Variants in RYR2 observed in about 807,000 individuals in gnomAD.
RYR2 encodes the protein ryanodine receptor 2, also known as cardiac muscle ryanodine receptor-calcium release channel.
A neutral mutation model predicts 601.1 loss-of-function variants in RYR2; 227 were observed. The ratio of observed to expected loss-of-function variants is 0.38; its 90% confidence interval spans 0.34 to 0.42. The LOEUF is 0.42. Among genes scored for constraint, RYR2 ranks in the 10% least tolerant of loss-of-function variants. The probability of loss-of-function intolerance (pLI) is 1.00; values close to 1 mark genes in which losing one functional copy is unlikely to be tolerated. For synonymous variants in RYR2, 2,223 were observed against 2,175.1 expected (o/e 1.02, Z -0.61); for missense variants, 4,646 against 6,156.5 (o/e 0.75, Z 8.21).
chr1:237,701,878 A>G, intron 65 of RYR2, 100 bp from the exon 66 acceptor site: 1 of 610,858 alleles, frequency 1.6e-6, no homozygotes. Flanking sequence ...ATGGATGAAT[A>G]GTATATAGCC....
chr1:237,441,261 G>A, intron 12 of RYR2, 58 bp from the exon 13 acceptor site: 1 of 1,593,806 alleles, frequency 6.3e-7, no homozygotes. Flanking sequence ...AAATTCTATT[G>A]CCATACACTA....
intron 85 of RYR2, 109 bp from the exon 86 acceptor site, chr1:237,771,903 A>T (rs952509975): frequency 5.9e-6 from 4 of 675,870 alleles, no homozygotes; most frequent in Non-Finnish European, 1.1e-5. Flanking sequence ...AAAACACTGC[A>T]CTAACCCACA....
At position 237,590,831 on chromosome 1, in the gene RYR2, C is replaced by G; in HGVS notation, c.3999C>G (p.Asp1333Glu). 6.2e-7 allele frequency: 1 copy of G among 1,613,794 alleles called. No homozygotes were observed. The highest frequency in any genetic ancestry group is 8.5e-7 in the Non-Finnish European group (1 of 1,179,864). ...CTGGCCTTTTTGGGCCCAAGAATGACTTGGAAGATTATGATGCTGATTCTG... is the reference window on the plus strand; with the variant it reads ...CTGGCCTTTTTGGGCCCAAGAATGAGTTGGAAGATTATGATGCTGATTCTG... ...PGAGLFGPKN[D>E]LEDYDADSDF... is the part of the protein sequence containing the mutation. The change falls in exon 31 of 105, where the codon GAC (aspartate) becomes GAG (glutamate). Residue 1333 changes from aspartate to glutamate, a missense_variant. Physicochemically the swap from Asp to Glu is conservative, Grantham distance 45. Coordinates refer to ENST00000366574, the MANE Select transcript of RYR2 (RefSeq NM_001035.3).
intron 1 of RYR2, among the ~76,000 whole-genome samples, chr1:237,194,750 T>C (rs1011227210): frequency 6.6e-5 from 10 of 152,218 alleles, no homozygotes; most frequent in African/African-American, 2.4e-4. Flanking sequence ...TCCTTGAGGC[T>C]GCCAAGAAAA....
intron 84 of RYR2, among the ~76,000 whole-genome samples, chr1:237,766,178 T>G (rs1425738403): frequency 6.6e-6 from 1 of 152,148 alleles, no homozygotes; most frequent in Non-Finnish European, 1.5e-5. Flanking sequence ...AAGGACCTTC[T>G]CTGCCCTGCC....
At chr1:237,101,534 C>T (rs1351518767) in intron 1 of RYR2, among the ~76,000 whole-genome samples, 1 of 152,164 alleles carries the variant, frequency 6.6e-6, no homozygotes, top group African/African-American at 2.4e-5. Flanking sequence ...CAAACACACA[C>T]ACACTCTCGA....
intron 29 of RYR2, among the ~76,000 whole-genome samples, chr1:237,580,130 A>G (rs1673731355): frequency 6.7e-6 from 1 of 148,782 alleles, no homozygotes; most frequent in South Asian, 2.1e-4. Flanking sequence ...TGGCTCCTCC[A>G]GAGCCACGTG....
intron 100 of RYR2, 144 bp downstream of exon 100, chr1:237,809,179 C>A: frequency 1.3e-6 from 1 of 765,352 alleles, no homozygotes; most frequent in Non-Finnish European, 2.1e-6. Flanking sequence ...AAAGATTCAG[C>A]AGTTTTCAAT....
At chr1:237,822,361 T>A (rs754822085) in intron 101 of RYR2, among the ~76,000 whole-genome samples, 13 of 151,804 alleles carry the variant, frequency 8.6e-5, no homozygotes, top group Non-Finnish European at 1.9e-4. Flanking sequence ...CAGAAGAGAG[T>A]GGGGGCAAAT....
At chr1:237,662,163 A>C (rs1436774832) in intron 56 of RYR2, among the ~76,000 whole-genome samples, 1 of 152,108 alleles carries the variant, frequency 6.6e-6, no homozygotes, top group Admixed American at 6.5e-5. Flanking sequence ...ATTTTAAATA[A>C]ATTGAGTTCT....
chr1:237,295,055 C>T (rs1053191686), intron 2 of RYR2, among the ~76,000 whole-genome samples: 1 of 151,882 alleles, frequency 6.6e-6, no homozygotes, highest in African/African-American at 2.4e-5. Flanking sequence ...CTCTCCAAAA[C>T]GTAGAGAAAA....
At chr1:237,730,184 G>A (rs1275696814) in intron 76 of RYR2, 76 bp from the exon 77 acceptor site, 1 of 794,312 alleles carries the variant, frequency 1.3e-6, no homozygotes, top group African/African-American at 1.7e-5. Context: ...AGATAATCTA[G>A]TAATAAAGCA....
chr1:237,793,971 G>T lies in RYR2; in HGVS notation c.13887G>T (p.Gln4629His). The T allele has an allele frequency of 6.2e-7, 1 of 1,611,830 alleles. No homozygotes were observed. Among genetic ancestry groups the T allele is most frequent in the Non-Finnish European group, 8.5e-7 (1 of 1,178,080 alleles). ...EQPSEDDIKG[Q>H]WDRLVINTQS... Reference sequence around the variant, plus strand: ...CTTCAGAAGATGATATTAAAGGCCAGTGGGATAGACTCGTAATCAACACAC... The same window carrying T: ...CTTCAGAAGATGATATTAAAGGCCATTGGGATAGACTCGTAATCAACACAC... The change falls in exon 95 of 105, where the codon CAG becomes CAT. Residue 4629 changes from glutamine (Q) to histidine (H), a missense_variant. Around this residue, in one of 17 missense-constraint regions of RYR2, gnomAD observed 37 missense variants for 102.8 expected, o/e 0.36. Coordinates refer to ENST00000366574, the MANE Select transcript of RYR2 (RefSeq NM_001035.3).
chr1:237,478,418 TATTAA>T (rs1558887145), intron 17 of RYR2, among the ~76,000 whole-genome samples: 2 of 152,236 alleles, frequency 1.3e-5, no homozygotes, highest in Non-Finnish European at 2.9e-5. Flanking sequence ...CAAATGTGCT[TATTAA>T]ATTAAATGTA....
At chr1:237,495,422 G>A (rs1030719791) in intron 19 of RYR2, among the ~76,000 whole-genome samples, 3 of 152,156 alleles carry the variant, frequency 2.0e-5, no homozygotes, top group Non-Finnish European at 4.4e-5. Context: ...CTTTTGAGGA[G>A]CTCCTTTTTA....
At chr1:237,371,259 G>A (rs761802643) in intron 6 of RYR2, among the ~76,000 whole-genome samples, 17 of 152,190 alleles carry the variant, frequency 1.1e-4, no homozygotes, top group Non-Finnish European at 2.5e-4. Context: ...GGACTCAAGT[G>A]ATTCTCTTGC....
At chr1:237,355,876 A>G in intron 3 of RYR2, 89 bp from the exon 4 acceptor site, 2 of 1,196,654 alleles carry the variant, frequency 1.7e-6, no homozygotes, top group Non-Finnish European at 2.4e-6. Flanking sequence ...CAAGGACCAA[A>G]TTGATATCAA....
chr1:237,532,153 C>A (rs1668197177), intron 25 of RYR2, among the ~76,000 whole-genome samples: 1 of 151,752 alleles, frequency 6.6e-6, no homozygotes. Flanking sequence ...CACAGGTGCT[C>A]AAAACAACAT....
At chr1:237,128,514 A>T (rs910770037) in intron 1 of RYR2, among the ~76,000 whole-genome samples, 3 of 152,152 alleles carry the variant, frequency 2.0e-5, no homozygotes, top group Non-Finnish European at 2.9e-5. Flanking sequence ...TGAATAAGGG[A>T]GTGAGTGGTA....
Sources: allele counts gnomAD v4.1 joint callset (sites outside exome capture counted in the v4.1 genomes callset), GRCh38; gene constraint gnomAD v4.1.1; regional missense constraint gnomAD v4.1.1; transcripts MANE v1.5; gene names NCBI Gene and HGNC (gene_info 2026-07-23, HGNC 2026-07-21).